Variants in ELOVL6 observed in about 807,000 individuals in gnomAD.
The protein encoded by ELOVL6 is ELOVL fatty acid elongase 6, also known as very long chain fatty acid elongase 6.
A neutral mutation model predicts 31.7 loss-of-function variants in ELOVL6; 8 were observed. That is an observed-to-expected ratio of 0.25 (90% CI 0.15 to 0.45). The LOEUF (loss-of-function observed/expected upper bound fraction) is 0.45. ELOVL6 is among the 20% of genes least tolerant of loss of function. ELOVL6 has a pLI of 1.00. For synonymous variants in ELOVL6, 101 were observed against 117.7 expected, an observed-to-expected ratio of 0.86 and a Z score of 0.92; for missense variants, 126 against 326.4, an observed-to-expected ratio of 0.39 and a Z score of 4.73.
intron 2 of ELOVL6, among the ~76,000 whole-genome samples, chr4:110,099,199 A>C (rs1343984151): frequency 6.6e-6 from 1 of 152,158 alleles, no homozygotes; most frequent in Non-Finnish European, 1.5e-5. Flanking sequence ...TTATGATATC[A>C]GTGGGAAACA....
chr4:110,154,926 A>G (rs1758373301), intron 1 of ELOVL6, among the ~76,000 whole-genome samples: 2 of 152,222 alleles, frequency 1.3e-5, no homozygotes. Flanking sequence ...TCTGAGTCCA[A>G]CTTTTACTTT....
intron 2 of ELOVL6, among the ~76,000 whole-genome samples, chr4:110,067,411 T>A (rs1040557992): frequency 6.6e-6 from 1 of 152,204 alleles, no homozygotes; most frequent in Non-Finnish European, 1.5e-5. Context: ...ATTAGTCCGT[T>A]CTCACACTGC....
At chr4:110,084,033 TGGTATATAACAC>T (rs375408330) in intron 2 of ELOVL6, among the ~76,000 whole-genome samples, 1 of 60,440 alleles carries the variant, frequency 1.7e-5, no homozygotes, top group Non-Finnish European at 3.3e-5. Flanking sequence ...ATGCCATATA[TGGTATATAACAC>T]ATGCTATATA....
chr4:110,152,998 G>C (rs1758321062), intron 1 of ELOVL6, among the ~76,000 whole-genome samples: 1 of 152,182 alleles, frequency 6.6e-6, no homozygotes, highest in African/African-American at 2.4e-5. Flanking sequence ...GTCTATTGAA[G>C]AGCAGGAATG....
At chr4:110,169,214 C>T (rs1374386342) in intron 1 of ELOVL6, among the ~76,000 whole-genome samples, 1 of 151,312 alleles carries the variant, frequency 6.6e-6, no homozygotes, top group Non-Finnish European at 1.5e-5. Context: ...TGCACCCGAC[C>T]CCAACAGAGT....
At position 110,066,531 on chromosome 4, in the gene ELOVL6, C is replaced by T. The variant is rs186841029; in HGVS notation, c.222-6777G>A. On this transcript the variant is annotated intron_variant, in intron 2 of 3. Coordinates refer to ENST00000302274, the MANE Select transcript of ELOVL6 (RefSeq NM_024090.3). ...ACAGGCGCCTGTGGTCCCAGCTACTCGGGAGGCTGAGACAGGAGAATCACG... is the reference window on the plus strand; with the variant it reads ...ACAGGCGCCTGTGGTCCCAGCTACTTGGGAGGCTGAGACAGGAGAATCACG... Among the ~76,000 whole-genome samples, 907 of 148,018 alleles carry T rather than the reference C, an allele frequency of 6.1e-3. 6 individuals carry two copies. The highest frequency in any genetic ancestry group is 0.02 in the African/African-American group (807 of 40,262).
At chr4:110,185,564 A>G (rs922352103) in intron 1 of ELOVL6, among the ~76,000 whole-genome samples, 2 of 152,210 alleles carry the variant, frequency 1.3e-5, no homozygotes, top group African/African-American at 4.8e-5. Context: ...ATTTTTCTTA[A>G]GTAGCTAGGT....
rs72676988 is a variant in ELOVL6, at chr4:110,075,287, A to C, written c.222-15533T>G. On this transcript the variant is annotated intron_variant, in intron 2 of 3. Transcript: ENST00000302274. ...TGGGTGTGTATTCAAAAGAATTAGA[A>C]AAAGGATTTAGAGGAGTTCCTTGTA... Among the ~76,000 whole-genome samples the C allele has an allele frequency of 9.6e-3, 1,455 of 152,326 alleles. 12 individuals carry two copies. Among genetic ancestry groups the C allele is most frequent in the Non-Finnish European group, 0.016 (1,100 of 68,036 alleles).
At chr4:110,083,913 A>G (rs537504302) in intron 2 of ELOVL6, among the ~76,000 whole-genome samples, 1 of 140,904 alleles carries the variant, frequency 7.1e-6, no homozygotes, top group South Asian at 2.3e-4. Context: ...ATACACATAG[A>G]GAGAGAGATA....
intron 1 of ELOVL6, among the ~76,000 whole-genome samples, chr4:110,189,966 CA>C (rs34493408): frequency 0.089 from 11,922 of 133,590 alleles, 619 homozygotes; most frequent in Admixed American, 0.18. Flanking sequence ...GACTCCATCT[CA>C]AAAAAAAAAA....
intron 2 of ELOVL6, among the ~76,000 whole-genome samples, chr4:110,096,250 TAA>T (rs1578477784): frequency 6.6e-6 from 1 of 152,194 alleles, no homozygotes; most frequent in Non-Finnish European, 1.5e-5. Flanking sequence ...TGCATAAAAC[TAA>T]AGACTGTCCT....
chr4:110,118,605 A>T (rs1360301231), intron 1 of ELOVL6, among the ~76,000 whole-genome samples: 1 of 152,194 alleles, frequency 6.6e-6, no homozygotes, highest in Non-Finnish European at 1.5e-5. Flanking sequence ...TGCGAAATAA[A>T]ATTCCATTAT....
chr4:110,151,012 C>T (rs1158194117), intron 1 of ELOVL6, among the ~76,000 whole-genome samples: 4 of 150,026 alleles, frequency 2.7e-5, no homozygotes, highest in Non-Finnish European at 3.0e-5. Context: ...CACTGCACTC[C>T]AGCCTGAGAG....
chr4:110,193,971 G>C (rs1366397085), intron 1 of ELOVL6, among the ~76,000 whole-genome samples: 1 of 152,204 alleles, frequency 6.6e-6, no homozygotes, highest in Non-Finnish European at 1.5e-5. Context: ...GGTGGGCACC[G>C]TGTCAGCCGA....
At chr4:110,115,929 T>C (rs1240811011) in intron 1 of ELOVL6, among the ~76,000 whole-genome samples, 1 of 152,192 alleles carries the variant, frequency 6.6e-6, no homozygotes. Flanking sequence ...ATTCCTTGGC[T>C]CATGGCTGCC....
intron 2 of ELOVL6, among the ~76,000 whole-genome samples, chr4:110,094,059 G>T (rs1756495024): frequency 6.6e-6 from 1 of 151,992 alleles, no homozygotes; most frequent in African/African-American, 2.4e-5. Context: ...AGACCAGCCT[G>T]GCCGACATGG....
intron 2 of ELOVL6, 184 bp from the exon 3 acceptor site, chr4:110,059,938 T>A (rs1386322962): frequency 9.3e-6 from 5 of 539,880 alleles, no homozygotes; most frequent in Admixed American, 3.4e-5. Flanking sequence ...ACTCAAGGGC[T>A]TTATTCTGAA....
chr4:110,151,653 C>T (rs549779542), intron 1 of ELOVL6, among the ~76,000 whole-genome samples: 3 of 152,240 alleles, frequency 2.0e-5, no homozygotes, highest in Non-Finnish European at 2.9e-5. Flanking sequence ...TTTGACATGC[C>T]TGCCCATTAA....
chr4:110,127,365 C>T (rs989117506), intron 1 of ELOVL6, among the ~76,000 whole-genome samples: 3 of 129,158 alleles, frequency 2.3e-5, no homozygotes, highest in Non-Finnish European at 3.1e-5. Flanking sequence ...CGAGATCGTG[C>T]CATTGCATTC....
Sources: gnomAD v4.1 joint callset for allele counts (sites outside exome capture counted in the v4.1 genomes callset) on GRCh38, gnomAD v4.1.1 for gene constraint, MANE v1.5 for transcripts, NCBI Gene and HGNC (gene_info 2026-07-23, HGNC 2026-07-21) for gene names.